Variants in WEE1 observed in about 807,000 individuals in gnomAD.
WEE1 encodes the protein WEE1 G2 checkpoint kinase.
WEE1 carries 16 observed loss-of-function variants against 68.8 expected under a neutral mutation model. The observed-to-expected ratio is 0.23, with a 90% CI of 0.16 to 0.35. WEE1 has a LOEUF of 0.35. WEE1 is among the 10% of genes least tolerant of loss of function. The probability of loss-of-function intolerance (pLI) is 1.00; values close to 1 mark genes in which losing one functional copy is unlikely to be tolerated. For synonymous variants in WEE1, 349 were observed against 318.7 expected, an observed-to-expected ratio of 1.09 and a Z score of -1.01; for missense variants, 651 against 824.1, an observed-to-expected ratio of 0.79 and a Z score of 2.57.
Position 9,574,280 on chromosome 11 carries a change from AG to A in WEE1, c.349del (p.Glu117ArgfsTer117). On this transcript the variant is annotated frameshift_variant, in exon 1 of 11. Coordinates refer to ENST00000450114, the MANE Select transcript of WEE1 (RefSeq NM_003390.4). LOFTEE classifies it high-confidence loss of function. This position sits in a 1 kb window ranked among gnomAD's most constrained non-coding sequence, Gnocchi z 4.9. ...GGGGCGGAGGGCGACTCGTGGGAGG[AG>A]GAGGGCTTCGGCTCCTCGTCGCCGG... ...GGGAEGDSWE[E>X]EGFGSSSPVK... 1 of 1,243,182 alleles carries A rather than the reference AG, an allele frequency of 8.0e-7. No individual in the cohort carries two copies. Among genetic ancestry groups the A allele is most frequent in the South Asian group, 3.3e-5 (1 of 29,998 alleles). The allele number at this position is 1,243,182 out of a possible 1,614,324, so 77.0% of individuals were successfully genotyped here.
Position 9,589,260 on chromosome 11 carries a change from A to C in WEE1, c.*658A>C. 1.0e-6 allele frequency: 1 copy of C among 984,324 alleles called. No homozygotes were observed. The highest frequency in any genetic ancestry group is 1.2e-6 in the Non-Finnish European group (1 of 829,336). 61.0% of individuals were successfully genotyped at this position (984,324 alleles called of 1,614,324 possible). On this transcript the variant is annotated 3_prime_UTR_variant, in exon 11 of 11. Coordinates refer to ENST00000450114, the MANE Select transcript of WEE1 (RefSeq NM_003390.4). ...GAAATGTATAGCTGCTTTTGATGAA[A>C]AGCAGCTATTTGCCTTTTTTTTTTT...
intron 5 of WEE1, chr11:9,579,584 T>C (rs1281791119): frequency 6.6e-6 from 1 of 152,212 alleles, no homozygotes; most frequent in Non-Finnish European, 1.5e-5. Context: ...TTTGCTCTCA[T>C]CACCTTTCTT....
chr11:9,575,139 T>G, intron 1 of WEE1: 1 of 985,552 alleles, frequency 1.0e-6, no homozygotes, highest in Non-Finnish European at 1.2e-6. Flanking sequence ...GGCCCAGCAT[T>G]TGTTTTTATC....
At position 9,574,599 on chromosome 11, in the gene WEE1, CG is replaced by C; in HGVS notation, c.576+92del. 1 of 1,122,200 alleles carries C rather than the reference CG, an allele frequency of 8.9e-7. No homozygotes were observed. Among genetic ancestry groups the C allele is most frequent in the Non-Finnish European group, 1.1e-6 (1 of 918,648 alleles). The allele number at this position is 1,122,200 out of a possible 1,614,324, so 69.5% of individuals were successfully genotyped here. ...GCCTGGGTTCGGTTACAGAAGCGGC[CG>C]GCCGCTCCCCCCTCGCTTTCCTGCG... On this transcript the variant is annotated intron_variant, in intron 1 of 10. Transcript: ENST00000450114. The surrounding 1 kb of genome is among the most constrained non-coding windows in gnomAD (Gnocchi z 4.9).
At chr11:9,575,513 G>T in intron 1 of WEE1, 1 of 602,938 alleles carries the variant, frequency 1.7e-6, no homozygotes, top group Non-Finnish European at 2.2e-6. Flanking sequence ...AGCGGAGGTG[G>T]CTATGGAAGC....
chr11:9,586,409 C>T, intron 8 of WEE1, 40 bp from the exon 9 acceptor site: 4 of 1,550,822 alleles, frequency 2.6e-6, no homozygotes, highest in Middle Eastern at 1.8e-4. Context: ...TTATTTTGAC[C>T]ATGTTTACAT....
At position 9,589,715 on chromosome 11, in the gene WEE1, T is replaced by C. The variant is rs983013060; in HGVS notation, c.*1113T>C. The stretch of plus-strand genomic sequence containing the variant: ...CACTTGTCTTTGACTTGTGTTTTAT[T>C]AACATTGATTGGCATATTAAAAGTC... On this transcript the variant is annotated 3_prime_UTR_variant, in exon 11 of 11. Transcript: ENST00000450114. 6 of 985,568 alleles carry C rather than the reference T, an allele frequency of 6.1e-6. No homozygotes were observed. The African/African-American group carries it at 7.0e-5, about 11-fold the overall frequency. The allele number at this position is 985,568 out of a possible 1,614,324, so 61.1% of individuals were successfully genotyped here.
Position 9,576,692 on chromosome 11 carries a change from T to G in WEE1, c.1019+33T>G, listed in dbSNP as rs1450830519. ...TTAAACATTTTGTCTTTTGCTCTTT[T>G]GTCCCCTATGGTGTTACTAACATTA... On this transcript the variant is annotated intron_variant, in intron 4 of 10. Transcript: ENST00000450114. This position sits in a 1 kb window ranked among gnomAD's most constrained non-coding sequence, Gnocchi z 4.3. 6.3e-6 allele frequency: 10 copies of G among 1,595,616 alleles called. No individual in the cohort carries two copies. Among genetic ancestry groups the G allele is most frequent in the Non-Finnish European group, 8.5e-6 (10 of 1,172,876 alleles).
In WEE1 at chr11:9,589,532, A is replaced by G. The variant is rs1849739549; in HGVS notation, c.*930A>G. 7.1e-6 allele frequency: 7 copies of G among 985,520 alleles called. No homozygotes were observed. Among genetic ancestry groups the G allele is most frequent in the African/African-American group, 3.5e-5 (2 of 57,224 alleles). The allele number at this position is 985,520 out of a possible 1,614,324, so 61.0% of individuals were successfully genotyped here. A position where few individuals can be genotyped will look rare whatever the true frequency, so the allele number is the denominator to read the frequency against. On this transcript the variant is annotated 3_prime_UTR_variant, in exon 11 of 11. Transcript: ENST00000450114. ...TAAACCGATCTTCGTGATACTGTAC[A>G]TAGCTGTTTGAAATGCCAGAATGAC...
chr11:9,584,412 C>G (rs541022871), intron 6 of WEE1, among the ~76,000 whole-genome samples: 1 of 152,258 alleles, frequency 6.6e-6, no homozygotes, highest in Admixed American at 6.5e-5. Flanking sequence ...TTTCAAAGCA[C>G]TGGGATTACA....
In WEE1 at chr11:9,574,187, G is replaced by T. The variant is rs1849537352; in HGVS notation, c.254G>T (p.Ser85Ile). The change falls in exon 1 of 11, where the codon AGC becomes ATC. Residue 85 changes from serine (S) to isoleucine (I), a missense_variant. Around this residue, in one of 5 missense-constraint regions of WEE1, gnomAD observed 395 missense variants for 378.4 expected, o/e 1.04. Transcript: ENST00000450114. The surrounding 1 kb of genome is among the most constrained non-coding windows in gnomAD (Gnocchi z 4.9). ...CGCTCGCCCGGGCCGGCCCCCGGCA[G>T]CCCCGGCGAGCTGGAGGAGGACCTG... is the stretch of plus-strand genomic sequence containing the variant. ...RRRSPGPAPG[S>I]PGELEEDLLL... The T allele has an allele frequency of 1.7e-6, 2 of 1,173,622 alleles. No individual in the cohort carries two copies. The highest frequency in any genetic ancestry group is 2.1e-6 in the Non-Finnish European group (2 of 951,134). 72.7% of individuals were successfully genotyped at this position (1,173,622 alleles called of 1,614,324 possible). A position where few individuals can be genotyped will look rare whatever the true frequency, so the allele number is the denominator to read the frequency against.
Position 9,573,849 on chromosome 11 carries a change from G to A in WEE1, c.-85G>A, listed in dbSNP as rs1366600812. ...TGCGACTAGGCGCGCCCAGCCGCACGTGGCGGACCCGCCCCCAGGCCCGCA... is the reference window on the plus strand; with the variant it reads ...TGCGACTAGGCGCGCCCAGCCGCACATGGCGGACCCGCCCCCAGGCCCGCA... On this transcript the variant is annotated 5_prime_UTR_variant, in exon 1 of 11. In the 5' UTR this introduces an upstream ATG that the reference lacks. Transcript: ENST00000450114. 4 of 1,133,110 alleles carry A rather than the reference G, an allele frequency of 3.5e-6. No individual in the cohort carries two copies. Among genetic ancestry groups the A allele is most frequent in the Non-Finnish European group, 4.4e-6 (4 of 910,210 alleles). 70.2% of individuals were successfully genotyped at this position (1,133,110 alleles called of 1,614,324 possible).
At chr11:9,575,793 T>A in intron 1 of WEE1, 95 bp from the exon 2 acceptor site, 1 of 1,046,986 alleles carries the variant, frequency 9.6e-7, no homozygotes, top group Non-Finnish European at 1.4e-6. Flanking sequence ...CACCTACGCA[T>A]TCAGCCCTAT....
intron 1 of WEE1, 163 bp from the exon 2 acceptor site, chr11:9,575,724 TC>T (rs1258870411): frequency 3.1e-6 from 2 of 641,974 alleles, no homozygotes; most frequent in Middle Eastern, 4.1e-4. Flanking sequence ...GCTTCAGTCT[TC>T]CTAAATTAGC....
Position 9,589,353 on chromosome 11 carries a change from A to T in WEE1, c.*751A>T. 1 of 984,864 alleles carries T rather than the reference A, an allele frequency of 1.0e-6. No homozygotes were observed. The highest frequency in any genetic ancestry group is 5.2e-4 in the Middle Eastern group (1 of 1,912). The allele number at this position is 984,864 out of a possible 1,614,324, so 61.0% of individuals were successfully genotyped here. ...TTTCCCTCCTTTGGAATGCTGTATT[A>T]ATGTAGTATAATAATTACTGGTTTT... is the stretch of plus-strand genomic sequence containing the variant. On this transcript the variant is annotated 3_prime_UTR_variant, in exon 11 of 11. Transcript: ENST00000450114.
Position 9,583,738 on chromosome 11 carries a change from CGTGT to C in WEE1, c.1289-1514_1289-1511del, listed in dbSNP as rs1328228017. 6.2e-5 allele frequency among the ~76,000 whole-genome samples: 7 copies of C among 112,590 alleles called. No homozygotes were observed. The Admixed American group carries it at 6.8e-4, about 11-fold the overall frequency. 73.9% of individuals were successfully genotyped at this position (112,590 alleles called of 152,430 possible). ...ATAAATTTAATACTAAATATTTGTG[CGTGT>C]GTGTGCGTGCACGCGCGCGCACACA... On this transcript the variant is annotated intron_variant, in intron 6 of 10. Transcript: ENST00000450114.
At chr11:9,588,019 A>C (rs1488390343) in intron 10 of WEE1, among the ~76,000 whole-genome samples, 1 of 151,300 alleles carries the variant, frequency 6.6e-6, no homozygotes, top group African/African-American at 2.4e-5. Context: ...ATTGTTTATT[A>C]TTATTTATTT....
intron 6 of WEE1, among the ~76,000 whole-genome samples, chr11:9,583,830 T>C (rs1306925470): frequency 2.9e-4 from 15 of 50,902 alleles, no homozygotes; most frequent in African/African-American, 7.4e-4. Flanking sequence ...TATATATATA[T>C]ATATATATAT....
chr11:9,574,794 G>A lies in WEE1; in HGVS notation c.576+285G>A. ...GCCCGTTGAGTCCGGGCCGCCCCGA[G>A]CGTGTCAGCCCCGAGTGCGGCACCG... On this transcript the variant is annotated intron_variant, in intron 1 of 10. Coordinates refer to ENST00000450114, the MANE Select transcript of WEE1 (RefSeq NM_003390.4). The surrounding 1 kb of genome is among the most constrained non-coding windows in gnomAD (Gnocchi z 4.9). 1 of 1,006,438 alleles carries A rather than the reference G, an allele frequency of 9.9e-7. No homozygotes were observed. The highest frequency in any genetic ancestry group is 1.2e-6 in the Non-Finnish European group (1 of 843,798). 62.3% of individuals were successfully genotyped at this position (1,006,438 alleles called of 1,614,324 possible).
Sources: gnomAD v4.1 joint callset for allele counts (sites outside exome capture counted in the v4.1 genomes callset) on GRCh38, gnomAD v4.1.1 for gene constraint, gnomAD v4.1.1 regional missense constraint, Gnocchi (gnomAD v3.1) non-coding constraint, MANE v1.5 for transcripts, NCBI Gene and HGNC (gene_info 2026-07-23, HGNC 2026-07-21) for gene names.